MYBL1: variants seen among roughly 807,000 people sequenced by gnomAD.
MYBL1 encodes the protein myb-related protein A.
In MYBL1, 17 loss-of-function variants were observed where a neutral mutation model predicts 96.3. The observed-to-expected ratio is 0.18, with a 90% confidence interval of 0.12 to 0.26. The LOEUF is 0.26. Ranked by LOEUF, MYBL1 falls within the 10% of genes least tolerant of loss-of-function variation. MYBL1 has a pLI of 1.00. For synonymous variants in MYBL1, 282 were observed against 292.7 expected, an observed-to-expected ratio of 0.96 and a Z score of 0.37; for missense variants, 701 against 882.9, an observed-to-expected ratio of 0.79 and a Z score of 2.61.
intron 9 of MYBL1, among the ~76,000 whole-genome samples, chr8:66,577,213 G>C (rs1207636937): frequency 6.6e-6 from 1 of 150,512 alleles, no homozygotes; most frequent in African/African-American, 2.4e-5. Context: ...ACATAGTGTT[G>C]GAAGTTCTGG....
intron 8 of MYBL1, among the ~76,000 whole-genome samples, chr8:66,581,332 C>T (rs1281768210): frequency 5.3e-5 from 8 of 152,218 alleles, no homozygotes; most frequent in Non-Finnish European, 1.0e-4. Context: ...TGTATGTTAC[C>T]ATAAACTTTG....
chr8:66,601,802 C>G, intron 2 of MYBL1, 33 bp from the exon 3 acceptor site: 1 of 1,193,722 alleles, frequency 8.4e-7, no homozygotes, highest in East Asian at 2.6e-5. Flanking sequence ...AGAAAGCTTT[C>G]CCCCCGTCCT....
chr8:66,590,873 T>C (rs1809610638), intron 8 of MYBL1, among the ~76,000 whole-genome samples: 1 of 152,128 alleles, frequency 6.6e-6, no homozygotes, highest in South Asian at 2.1e-4. Context: ...ATGACTACAG[T>C]TAACAATATT....
chr8:66,564,967 ATTT>A (rs1808447505), intron 15 of MYBL1, 142 bp from the exon 16 acceptor site: 1 of 466,024 alleles, frequency 2.1e-6, no homozygotes, highest in African/African-American at 2.0e-5. Context: ...ATGGCACTGT[ATTT>A]TTTTAATAAT....
In MYBL1 at chr8:66,602,490, A is replaced by C; in HGVS notation, c.54T>G (p.Asp18Glu). ...EDEDDDLQYA[D>E]HDYEVPQQKG... ...TTTGTTGTGGTACTTCATAATCATG[A>C]TCGGCATACTGAAGGTCATCATCCT... The change falls in exon 2 of 16, where the codon GAT (aspartate) becomes GAG (glutamate). Residue 18 changes from aspartate to glutamate, a missense_variant. Physicochemically the swap from Asp to Glu is conservative, Grantham distance 45. This residue lies in a region of MYBL1 where 68 missense variants were observed against 93.8 expected (regional missense o/e 0.72). Transcript: ENST00000522677. 2 of 1,609,212 alleles carry C rather than the reference A, an allele frequency of 1.2e-6. No individual in the cohort carries two copies. The highest frequency in any genetic ancestry group is 1.7e-6 in the Non-Finnish European group (2 of 1,177,212).
chr8:66,567,898 C>G (rs1176462101), intron 12 of MYBL1, among the ~76,000 whole-genome samples: 1 of 151,784 alleles, frequency 6.6e-6, no homozygotes, highest in African/African-American at 2.4e-5. Context: ...CCCATCTCTA[C>G]TAAAAACACA....
intron 1 of MYBL1, among the ~76,000 whole-genome samples, chr8:66,604,338 C>T (rs1810223321): frequency 6.6e-6 from 1 of 152,070 alleles, no homozygotes; most frequent in Admixed American, 6.6e-5. Context: ...GCCTGACCAA[C>T]ATGGCAAAAC....
chr8:66,604,193 C>G (rs762915448), intron 1 of MYBL1, among the ~76,000 whole-genome samples: 4 of 152,132 alleles, frequency 2.6e-5, no homozygotes, highest in Non-Finnish European at 5.9e-5. Flanking sequence ...TAAAGGTAGA[C>G]TTTTCAATAA....
chr8:66,595,559 A>C, intron 6 of MYBL1, 24 bp downstream of exon 6: 1 of 1,388,502 alleles, frequency 7.2e-7, no homozygotes, highest in African/African-American at 1.5e-5. Context: ...TTTTTTAAAT[A>C]ATAAAGGTAT....
chr8:66,576,166 T>C lies in MYBL1; in HGVS notation c.1311A>G (p.Ile437Met). 1 of 1,614,036 alleles carries C rather than the reference T, an allele frequency of 6.2e-7. No homozygotes were observed. Among genetic ancestry groups the C allele is most frequent in the Non-Finnish European group, 8.5e-7 (1 of 1,179,898 alleles). ...TGGCTGGTGGAGTGCTAAACTTGGC[T>C]ATATTTGGGGATGTTAAAGGAACAG... ...SEAVPLTSPN[I>M]AKFSTPPAIL... Residue 437 changes from isoleucine to methionine, a missense_variant, in exon 10 of 16, where the codon ATA becomes ATG. Ile to Met is a conservative substitution (Grantham distance 10). Around this residue, in one of 5 missense-constraint regions of MYBL1, gnomAD observed 396 missense variants for 407.4 expected, o/e 0.97. Transcript: ENST00000522677.
chr8:66,595,941 AC>A (rs1426870107), intron 5 of MYBL1, among the ~76,000 whole-genome samples, 184 bp from the exon 6 acceptor site: 1 of 152,142 alleles, frequency 6.6e-6, no homozygotes, highest in Non-Finnish European at 1.5e-5. Flanking sequence ...CAAAAGATAA[AC>A]TGTATGTGCA....
At chr8:66,608,341 GGTAA>G (rs1294972585) in intron 1 of MYBL1, among the ~76,000 whole-genome samples, 4 of 151,994 alleles carry the variant, frequency 2.6e-5, no homozygotes, top group African/African-American at 9.7e-5. Flanking sequence ...TTTTTGAATG[GGTAA>G]GTGTGAAGAA....
intron 12 of MYBL1, among the ~76,000 whole-genome samples, chr8:66,568,271 T>G (rs990554919): frequency 6.6e-6 from 1 of 152,026 alleles, no homozygotes; most frequent in African/African-American, 2.4e-5. Context: ...AAGAGCTTAT[T>G]ATTATTATTT....
At chr8:66,593,681 A>G (rs1434463993) in intron 6 of MYBL1, among the ~76,000 whole-genome samples, 2 of 152,194 alleles carry the variant, frequency 1.3e-5, no homozygotes, top group Non-Finnish European at 2.9e-5. Flanking sequence ...TGTCTTAGAA[A>G]AACAATCAGA....
At chr8:66,576,560 C>G (rs1586561742) in intron 9 of MYBL1, among the ~76,000 whole-genome samples, 185 bp from the exon 10 acceptor site, 1 of 151,828 alleles carries the variant, frequency 6.6e-6, no homozygotes, top group African/African-American at 2.4e-5. Flanking sequence ...CCTATGATTC[C>G]AAAATACATA....
intron 3 of MYBL1, among the ~76,000 whole-genome samples, chr8:66,599,488 C>T (rs1413687559): frequency 6.6e-6 from 1 of 152,088 alleles, no homozygotes; most frequent in Non-Finnish European, 1.5e-5. Flanking sequence ...GGACAGAAAA[C>T]TACACAAAGC....
At position 66,564,527 on chromosome 8, in the gene MYBL1, T is replaced by G. The variant is rs1046675578; in HGVS notation, c.*170A>C. The G allele has an allele frequency of 2.5e-5, 10 of 407,228 alleles. No individual in the cohort carries two copies. Among genetic ancestry groups the G allele is most frequent in the Non-Finnish European group, 3.4e-5 (8 of 237,678 alleles). The allele number at this position is 407,228 out of a possible 1,614,324, so 25.2% of individuals were successfully genotyped here. A position where few individuals can be genotyped will look rare whatever the true frequency, so the allele number is the denominator to read the frequency against. ...AATAAACTATGAAACTATCTACCCC[T>G]TAAGTGACTTACTAGCTTTCTGCCT... is the stretch of plus-strand genomic sequence containing the variant. On this transcript the variant is annotated 3_prime_UTR_variant, in exon 16 of 16. Coordinates refer to ENST00000522677, the MANE Select transcript of MYBL1 (RefSeq NM_001080416.4).
At position 66,572,548 on chromosome 8, in the gene MYBL1, T is replaced by C; in HGVS notation, c.1662A>G (p.Arg554=). 1.9e-6 allele frequency: 3 copies of C among 1,604,914 alleles called. No homozygotes were observed. The highest frequency in any genetic ancestry group is 1.7e-6 in the Non-Finnish European group (2 of 1,173,962). The stretch of plus-strand genomic sequence containing the variant: ...GCGCATTCTTAAAAGGAGTAGGAGT[T>C]CTTGGTGTGGTACCCAGTATAGATC... ...IRRSILGTTP[R]TPTPFKNALA... is the part of the protein sequence containing the mutation. Residue 554 remains arginine (R), a synonymous_variant, in exon 12 of 16, where the codon AGA becomes AGG. Transcript: ENST00000522677.
At chr8:66,590,193 A>C (rs1474781579) in intron 8 of MYBL1, among the ~76,000 whole-genome samples, 5 of 152,332 alleles carry the variant, frequency 3.3e-5, no homozygotes, top group Middle Eastern at 3.4e-3. Context: ...AGACATCACC[A>C]GTTGCCTCAT....
Sources: gnomAD v4.1 joint callset for allele counts (sites outside exome capture counted in the v4.1 genomes callset) on GRCh38, gnomAD v4.1.1 for gene constraint, gnomAD v4.1.1 regional missense constraint, MANE v1.5 for transcripts, NCBI Gene and HGNC (gene_info 2026-07-23, HGNC 2026-07-21) for gene names.